MGA: variants seen among roughly 807,000 people sequenced by gnomAD.
MGA encodes the protein MAX gene-associated protein.
In MGA, 40 loss-of-function variants were observed where a neutral mutation model predicts 261.1. The ratio of observed to expected loss-of-function variants is 0.15; its 90% CI spans 0.12 to 0.20. MGA has a LOEUF of 0.20. Among genes scored for constraint, MGA ranks in the 10% least tolerant of loss-of-function variants. MGA has a pLI of 1.00. For missense variants in MGA, 3,397 were observed against 3,630.5 expected (o/e 0.94, Z 1.65); for synonymous variants, 1,302 against 1,290.6 (o/e 1.01, Z -0.19).
chr15:41,623,222 G>A (rs554063525), intron 1 of MGA, among the ~76,000 whole-genome samples: 15 of 152,196 alleles, frequency 9.9e-5, no homozygotes, highest in Non-Finnish European at 1.8e-4. Flanking sequence ...GAAACTTCTT[G>A]GAAGAGAAGA....
rs1376767145 is a variant in MGA, at chr15:41,766,029, A to G, written c.7947A>G (p.Pro2649=). 5.0e-6 allele frequency: 8 copies of G among 1,606,332 alleles called. No individual in the cohort carries two copies. Among genetic ancestry groups the G allele is most frequent in the South Asian group, 4.4e-5 (4 of 89,902 alleles). Residue 2649 remains proline (P), a synonymous_variant, in exon 24 of 24, where the codon CCA becomes CCG. Coordinates refer to ENST00000219905, the MANE Select transcript of MGA (RefSeq NM_001164273.2). ...AAAATGACGACTTATTTATGATGCC[A>G]CGAATTGTTAATGTGACATCATTGG...
chr15:41,661,070 C>T (rs1340903205), intron 1 of MGA, among the ~76,000 whole-genome samples: 1 of 152,186 alleles, frequency 6.6e-6, no homozygotes, highest in Non-Finnish European at 1.5e-5. Context: ...AATTTCCGGC[C>T]AAATTGTTTG....
chr15:41,621,431 T>G (rs1282050763), intron 1 of MGA: 2 of 152,246 alleles, frequency 1.3e-5, no homozygotes, highest in Admixed American at 6.5e-5. Context: ...CGGCGCCGCT[T>G]CGAGCTCGGT....
intron 8 of MGA, among the ~76,000 whole-genome samples, chr15:41,712,617 C>T (rs1168292548): frequency 6.6e-6 from 1 of 152,108 alleles, no homozygotes; most frequent in Non-Finnish European, 1.5e-5. Context: ...TTATTTTATT[C>T]GTTATTAATC....
chr15:41,654,497 T>C (rs1007624523), intron 1 of MGA, among the ~76,000 whole-genome samples: 1 of 152,238 alleles, frequency 6.6e-6, no homozygotes, highest in African/African-American at 2.4e-5. Context: ...TGTCCAATAG[T>C]TGGGGAATTC....
Position 41,729,359 on chromosome 15 carries a change from T to C in MGA, c.3843+10T>C. On this transcript the variant is annotated intron_variant, in intron 11 of 23. Coordinates refer to ENST00000219905, the MANE Select transcript of MGA (RefSeq NM_001164273.2). ...CCATAATAATGCAAAGGTGAGTTTCTTGTTGCATAAGTTCTTTTTAACTTC... is the reference window on the plus strand; with the variant it reads ...CCATAATAATGCAAAGGTGAGTTTCCTGTTGCATAAGTTCTTTTTAACTTC... 6.3e-7 allele frequency: 1 copy of C among 1,599,576 alleles called. No individual in the cohort carries two copies. The highest frequency in any genetic ancestry group is 8.5e-7 in the Non-Finnish European group (1 of 1,173,792).
chr15:41,736,610 G>A lies in MGA; in HGVS notation c.4346G>A (p.Gly1449Asp). 6.2e-7 allele frequency: 1 copy of A among 1,614,000 alleles called. No individual in the cohort carries two copies. Among genetic ancestry groups the A allele is most frequent in the South Asian group, 1.1e-5 (1 of 91,082 alleles). Residue 1449 changes from glycine (G) to aspartate (D), a missense_variant, in exon 13 of 24, where the codon GGT (glycine) becomes GAT (aspartate). By Grantham distance (94) the Gly-to-Asp change is moderately conservative. Transcript: ENST00000219905. ...AGGGAGAGATTACATGGAGGCAAAG[G>A]TCTGCCTTTTTATGCAGGGCTTTCT...
chr15:41,757,444 T>C (rs2063212519), intron 18 of MGA, among the ~76,000 whole-genome samples: 1 of 152,210 alleles, frequency 6.6e-6, no homozygotes, highest in Non-Finnish European at 1.5e-5. Context: ...GTGCCTATGT[T>C]ATATGCAAAT....
chr15:41,623,051 A>G (rs774892688), intron 1 of MGA, among the ~76,000 whole-genome samples: 1 of 152,230 alleles, frequency 6.6e-6, no homozygotes, highest in Non-Finnish European at 1.5e-5. Flanking sequence ...AGTTCTCATA[A>G]CAAACCTACG....
At position 41,699,168 on chromosome 15, in the gene MGA, C is replaced by T; in HGVS notation, c.2188+9C>T. 1.3e-6 allele frequency: 2 copies of T among 1,514,238 alleles called. No homozygotes were observed. The highest frequency in any genetic ancestry group is 1.8e-6 in the Non-Finnish European group (2 of 1,125,730). The allele number at this position is 1,514,238 out of a possible 1,614,324, so 93.8% of individuals were successfully genotyped here. A position where few individuals can be genotyped will look rare whatever the true frequency, so the allele number is the denominator to read the frequency against. On this transcript the variant is annotated intron_variant, in intron 5 of 23. Coordinates refer to ENST00000219905, the MANE Select transcript of MGA (RefSeq NM_001164273.2). ...TCCTGGTCTTCAAGAAGGTAATAGACTAGCGACTTCTTTTTTTTTGTTTTC... is the reference window on the plus strand; with the variant it reads ...TCCTGGTCTTCAAGAAGGTAATAGATTAGCGACTTCTTTTTTTTTGTTTTC...
intron 2 of MGA, chr15:41,691,712 C>T (rs771955815): frequency 2.4e-6 from 1 of 422,622 alleles, no homozygotes; most frequent in African/African-American, 2.0e-5. Flanking sequence ...GTTTTTCTTT[C>T]AACACTTCAT....
rs746561192 is a variant in MGA at position 41,699,033 on chromosome 15, C to G, written c.2093-31C>G. The G allele has an allele frequency of 1.9e-6, 3 of 1,584,716 alleles. No individual in the cohort carries two copies. The South Asian group carries it at 3.4e-5, about 18-fold the overall frequency. ...TTCATTTGTCTGTAGTGTACAGTAG[C>G]TTATTTTATTACTATTTATTTTGGG... On this transcript the variant is annotated intron_variant, in intron 4 of 23. Transcript: ENST00000219905.
At chr15:41,723,199 G>T (rs1285693330) in intron 9 of MGA, among the ~76,000 whole-genome samples, 1 of 152,070 alleles carries the variant, frequency 6.6e-6, no homozygotes, top group Non-Finnish European at 1.5e-5. Flanking sequence ...TTCAGGGAAA[G>T]AGTAGGAGAA....
At chr15:41,691,141 T>C (rs967580368) in intron 2 of MGA, among the ~76,000 whole-genome samples, 1 of 152,114 alleles carries the variant, frequency 6.6e-6, no homozygotes, top group Non-Finnish European at 1.5e-5. Flanking sequence ...TATTGCTGTT[T>C]TACCAATATG....
chr15:41,712,751 A>C (rs1165019659), intron 8 of MGA, among the ~76,000 whole-genome samples: 1 of 152,126 alleles, frequency 6.6e-6, no homozygotes, highest in African/African-American at 2.4e-5. Flanking sequence ...TGCAGACCAT[A>C]CACTCTCTAT....
At chr15:41,721,046 A>G (rs1309597629) in intron 9 of MGA, among the ~76,000 whole-genome samples, 3 of 152,206 alleles carry the variant, frequency 2.0e-5, no homozygotes, top group Non-Finnish European at 4.4e-5. Context: ...TCAATGACTA[A>G]ACAATACAGC....
intron 1 of MGA, among the ~76,000 whole-genome samples, chr15:41,647,308 A>G (rs868126860): frequency 6.6e-6 from 1 of 152,170 alleles, no homozygotes. Flanking sequence ...TTGCACTTAC[A>G]TTTATAGTTT....
intron 3 of MGA, among the ~76,000 whole-genome samples, chr15:41,698,249 A>G (rs2059648247): frequency 1.4e-5 from 2 of 142,476 alleles, no homozygotes; most frequent in South Asian, 2.2e-4. Context: ...GCTCACTGCA[A>G]CCTCTGTTTC....
chr15:41,689,008 A>G (rs1341741784), intron 2 of MGA, among the ~76,000 whole-genome samples: 1 of 151,156 alleles, frequency 6.6e-6, no homozygotes, highest in Non-Finnish European at 1.5e-5. Flanking sequence ...TACCCTTAAA[A>G]CCTCTTTTAA....
Sources: gnomAD v4.1 joint callset for allele counts (sites outside exome capture counted in the v4.1 genomes callset) on GRCh38, gnomAD v4.1.1 for gene constraint, MANE v1.5 for transcripts, NCBI Gene and HGNC (gene_info 2026-07-23, HGNC 2026-07-21) for gene names.